CTNNA2: variants seen among roughly 807,000 people sequenced by gnomAD.
CTNNA2 encodes catenin alpha-2.
In CTNNA2, 42 loss-of-function variants were observed where a neutral mutation model predicts 101.0. The observed-to-expected ratio is 0.42, with a 90% CI of 0.32 to 0.54. CTNNA2 has a LOEUF of 0.54. Ranked by LOEUF, CTNNA2 falls within the 20% of genes least tolerant of loss-of-function variation. The pLI, the probability that CTNNA2 is intolerant of heterozygous loss-of-function variation, is 0.14. For synonymous variants in CTNNA2, 450 were observed against 456.4 expected (o/e 0.99, Z 0.18); for missense variants, 871 against 1,223.1 (o/e 0.71, Z 4.29).
At chr2:80,562,735 G>A (rs540593360) in intron 12 of CTNNA2, among the ~76,000 whole-genome samples, 1 of 152,248 alleles carries the variant, frequency 6.6e-6, no homozygotes, top group East Asian at 1.9e-4. Flanking sequence ...ACACAGTGGA[G>A]TAGTATGCAG....
intron 7 of CTNNA2, among the ~76,000 whole-genome samples, chr2:80,046,818 C>A (rs568957820): frequency 2.6e-5 from 4 of 152,280 alleles, no homozygotes; most frequent in Non-Finnish European, 4.4e-5. Context: ...TCATAACCAA[C>A]ATGTACTCTA....
intron 1 of CTNNA2, among the ~76,000 whole-genome samples, chr2:79,644,419 C>A (rs1181121470): frequency 6.6e-6 from 1 of 152,128 alleles, no homozygotes; most frequent in African/African-American, 2.4e-5. Flanking sequence ...TTTTAAAGGC[C>A]ACCGATTGGT....
intron 7 of CTNNA2, among the ~76,000 whole-genome samples, chr2:80,377,311 A>T (rs995289991): frequency 6.6e-6 from 1 of 152,236 alleles, no homozygotes; most frequent in Non-Finnish European, 1.5e-5. Flanking sequence ...TAGGAAGCTT[A>T]CTATCACAAG....
intron 3 of CTNNA2, among the ~76,000 whole-genome samples, chr2:79,371,317 G>T (rs1427328057): frequency 1.3e-5 from 2 of 152,030 alleles, no homozygotes; most frequent in African/African-American, 4.8e-5. Context: ...GAAACAGATG[G>T]AGACGAGCAG....
intron 7 of CTNNA2, among the ~76,000 whole-genome samples, chr2:80,042,720 A>G (rs1696149121): frequency 6.6e-6 from 1 of 152,206 alleles, no homozygotes; most frequent in South Asian, 2.1e-4. Context: ...AGAGCAAAGG[A>G]AACTCATTTG....
At position 80,638,472 on chromosome 2, in the gene CTNNA2, C is replaced by T. The variant is rs185094268; in HGVS notation, c.2575-9113C>T. Among the ~76,000 whole-genome samples the T allele has an allele frequency of 3.2e-3, 483 of 152,136 alleles. 10 individuals are homozygous for T. Among genetic ancestry groups the T allele is most frequent in the Non-Finnish European group, 8.8e-4 (60 of 68,018 alleles). ...ATAAGCGAGGGTGCTGAAAGGAAGGCAAGGAAAGAGTAAGTATAGGAAAAG... is the reference window on the plus strand; with the variant it reads ...ATAAGCGAGGGTGCTGAAAGGAAGGTAAGGAAAGAGTAAGTATAGGAAAAG... On this transcript the variant is annotated intron_variant, in intron 18 of 18. Transcript: ENST00000402739.
At chr2:79,270,345 CT>C (rs1394375314) in intron 2 of CTNNA2, among the ~76,000 whole-genome samples, 7 of 152,020 alleles carry the variant, frequency 4.6e-5, no homozygotes, top group East Asian at 1.9e-4. Context: ...CTTTTTGGTC[CT>C]TTTTTTTCTG....
chr2:79,470,349 C>A (rs1050180224), intron 4 of CTNNA2, among the ~76,000 whole-genome samples: 1 of 152,026 alleles, frequency 6.6e-6, no homozygotes, highest in African/African-American at 2.4e-5. Flanking sequence ...AAAATAATAA[C>A]AACAATAAAA....
Position 80,409,964 on chromosome 2 carries a change from G to A in CTNNA2, c.1138-9485G>A, listed in dbSNP as rs192552432. On this transcript the variant is annotated intron_variant, in intron 8 of 18. Transcript: ENST00000402739. Reference sequence around the variant, plus strand: ...TATTTCTCCAGTAAAAGGAATTGCAGAGGTGTTTTTCATTGAGTACATTAA... The same window carrying A: ...TATTTCTCCAGTAAAAGGAATTGCAAAGGTGTTTTTCATTGAGTACATTAA... Among the ~76,000 whole-genome samples, 827 of 152,336 alleles carry A rather than the reference G, an allele frequency of 5.4e-3. 7 individuals carry two copies. The highest frequency in any genetic ancestry group is 9.0e-3 in the Admixed American group (138 of 15,304).
intron 7 of CTNNA2, among the ~76,000 whole-genome samples, chr2:80,063,477 T>G (rs1424884480): frequency 6.6e-6 from 1 of 152,242 alleles, no homozygotes; most frequent in Non-Finnish European, 1.5e-5. Flanking sequence ...TCACAATGTT[T>G]AGAAATCCCT....
intron 7 of CTNNA2, among the ~76,000 whole-genome samples, chr2:80,225,266 A>G (rs1708813803): frequency 2.0e-5 from 3 of 152,146 alleles, no homozygotes; most frequent in Non-Finnish European, 4.4e-5. Flanking sequence ...GGAAAAGCAG[A>G]GCCCGATTGC....
chr2:80,519,618 C>T (rs1689368785), intron 9 of CTNNA2, among the ~76,000 whole-genome samples: 1 of 152,222 alleles, frequency 6.6e-6, no homozygotes, highest in Admixed American at 6.5e-5. Flanking sequence ...ATTCCTTGAC[C>T]TGATCTATTC....
chr2:80,614,251 A>G (rs535616305), intron 17 of CTNNA2, among the ~76,000 whole-genome samples: 1 of 151,570 alleles, frequency 6.6e-6, no homozygotes, highest in East Asian at 1.9e-4. Flanking sequence ...TCTATATCTG[A>G]GAATGCAACC....
chr2:80,222,396 T>G (rs1038930436), intron 7 of CTNNA2, among the ~76,000 whole-genome samples: 4 of 152,324 alleles, frequency 2.6e-5, no homozygotes, highest in African/African-American at 4.8e-5. Context: ...TTAAATTTGC[T>G]GTTTATATTT....
At position 79,808,725 on chromosome 2, in the gene CTNNA2, A is replaced by G. The variant is rs114071634; in HGVS notation, c.299-49288A>G. 1.3e-3 allele frequency among the ~76,000 whole-genome samples: 194 copies of G among 152,200 alleles called. 1 individual carries two copies. Among genetic ancestry groups the G allele is most frequent in the African/African-American group, 4.5e-3 (187 of 41,552 alleles). On this transcript the variant is annotated intron_variant, in intron 3 of 18. Transcript: ENST00000402739. ...TTAGATTTTTAATTTATTTTGAGCT[A>G]ATTTTTATAGGCAAATTTGGGGTCA...
At chr2:79,315,126 T>C (rs1161015439) in intron 3 of CTNNA2, among the ~76,000 whole-genome samples, 1 of 152,154 alleles carries the variant, frequency 6.6e-6, no homozygotes, top group Non-Finnish European at 1.5e-5. Flanking sequence ...CTTCTTCCTC[T>C]CTTTTTCTTC....
chr2:79,303,152 T>C (rs1282164692), intron 2 of CTNNA2, among the ~76,000 whole-genome samples: 1 of 152,022 alleles, frequency 6.6e-6, no homozygotes, highest in Non-Finnish European at 1.5e-5. Flanking sequence ...CAAAACAAGG[T>C]TGGAAAATCA....
chr2:80,505,623 G>A (rs765004460), intron 9 of CTNNA2, among the ~76,000 whole-genome samples: 42 of 152,156 alleles, frequency 2.8e-4, no homozygotes, highest in African/African-American at 5.8e-4. Context: ...GATATCTAAA[G>A]TTCCACAACA....
At chr2:80,201,270 T>C (rs1052795291) in intron 7 of CTNNA2, among the ~76,000 whole-genome samples, 2 of 151,992 alleles carry the variant, frequency 1.3e-5, no homozygotes, top group Admixed American at 6.6e-5. Context: ...TAAGGAGGCC[T>C]GACTACATTC....
Sources: gnomAD v4.1 joint callset for allele counts (sites outside exome capture counted in the v4.1 genomes callset) on GRCh38, gnomAD v4.1.1 for gene constraint, MANE v1.5 for transcripts, NCBI Gene and HGNC (gene_info 2026-07-23, HGNC 2026-07-21) for gene names.